The following RNF13 variants were observed in gnomAD, a reference collection of about 807,000 sequenced individuals.
The protein encoded by RNF13 is ring finger protein 13, also known as E3 ubiquitin-protein ligase RNF13.
RNF13 carries 19 observed loss-of-function variants against 37.7 expected under a neutral mutation model. That is an observed-to-expected ratio of 0.50 (90% CI 0.35 to 0.74). The LOEUF is 0.74. Among genes scored for constraint, RNF13 ranks in the 30% least tolerant of loss-of-function variants. The pLI is 0.01. For missense variants in RNF13, 375 were observed against 453.0 expected, an observed-to-expected ratio of 0.83 and a Z score of 1.56; for synonymous variants, 144 against 157.8, an observed-to-expected ratio of 0.91 and a Z score of 0.65.
intron 3 of RNF13, among the ~76,000 whole-genome samples, chr3:149,852,858 G>A (rs1004595137): frequency 2.6e-5 from 4 of 151,578 alleles, no homozygotes; most frequent in Admixed American, 6.6e-5. Context: ...TGTGCTATGC[G>A]TGTGTTTGTA....
At chr3:149,870,979 T>G (rs1711974460) in intron 3 of RNF13, among the ~76,000 whole-genome samples, 1 of 151,782 alleles carries the variant, frequency 6.6e-6, no homozygotes. Flanking sequence ...TTTATGTGTT[T>G]ATTCACTTTT....
chr3:149,856,382 C>T (rs534644013), intron 3 of RNF13, among the ~76,000 whole-genome samples: 31 of 150,922 alleles, frequency 2.1e-4, no homozygotes, highest in African/African-American at 6.3e-4. Flanking sequence ...TAAATAAATA[C>T]GTTAAAAATA....
At chr3:149,951,041 G>A (rs1576593253) in intron 8 of RNF13, among the ~76,000 whole-genome samples, 2 of 152,048 alleles carry the variant, frequency 1.3e-5, no homozygotes, top group Non-Finnish European at 2.9e-5. Flanking sequence ...TGCTTCTCCC[G>A]ACCACCCCCA....
chr3:149,942,636 G>A (rs952097650), intron 8 of RNF13, among the ~76,000 whole-genome samples: 3 of 152,122 alleles, frequency 2.0e-5, no homozygotes, highest in African/African-American at 7.2e-5. Flanking sequence ...TATGGAATAT[G>A]TCTTCTGTGA....
chr3:149,944,534 A>C (rs1720583347), intron 8 of RNF13, among the ~76,000 whole-genome samples: 1 of 151,826 alleles, frequency 6.6e-6, no homozygotes, highest in Admixed American at 6.6e-5. Flanking sequence ...ATGGTATCTC[A>C]TTGTGGCATT....
chr3:149,872,217 A>T (rs1413925534), intron 4 of RNF13, 63 bp downstream of exon 4: 1 of 1,050,608 alleles, frequency 9.5e-7, no homozygotes, highest in Non-Finnish European at 1.3e-6. Context: ...TAAATCATTT[A>T]CATCCTCCCT....
At chr3:149,819,541 A>T (rs1487780785) in intron 1 of RNF13, among the ~76,000 whole-genome samples, 3 of 152,208 alleles carry the variant, frequency 2.0e-5, no homozygotes, top group Admixed American at 2.0e-4. Flanking sequence ...TCCTAACTTT[A>T]AGGAGCTTAA....
At chr3:149,959,083 A>G (rs931998298) in intron 8 of RNF13, among the ~76,000 whole-genome samples, 3 of 152,244 alleles carry the variant, frequency 2.0e-5, no homozygotes, top group Non-Finnish European at 4.4e-5. Flanking sequence ...CGTGTGGGAT[A>G]GGCAATGAAT....
At chr3:149,847,992 T>A (rs1256445391) in intron 2 of RNF13, among the ~76,000 whole-genome samples, 2 of 152,250 alleles carry the variant, frequency 1.3e-5, no homozygotes, top group Non-Finnish European at 2.9e-5. Flanking sequence ...TCAGCTGCTA[T>A]AAGTGCCACA....
At chr3:149,877,058 G>C (rs1049964379) in intron 4 of RNF13, among the ~76,000 whole-genome samples, 1 of 152,002 alleles carries the variant, frequency 6.6e-6, no homozygotes, top group African/African-American at 2.4e-5. Flanking sequence ...GGGATTACAG[G>C]CGTGAGCCAC....
intron 5 of RNF13, 35 bp downstream of exon 5, chr3:149,895,595 T>A: frequency 7.6e-7 from 1 of 1,315,746 alleles, no homozygotes; most frequent in Non-Finnish European, 1.1e-6. Flanking sequence ...CTCTCCTGTT[T>A]GACAGATCAT....
rs1722371172 is a variant in RNF13 at position 149,961,113 on chromosome 3, AGAT to A, written c.*13_*15del. On this transcript the variant is annotated 3_prime_UTR_variant, in exon 10 of 10. Coordinates refer to ENST00000392894, the MANE Select transcript of RNF13 (RefSeq NM_183381.3). ...TAGCAAATACTGTTTGACTTTCAGA[AGAT>A]GATTGGTTTATTTCCCTTTAAAATG... 6.3e-7 allele frequency: 1 copy of A among 1,586,654 alleles called. No homozygotes were observed. Among genetic ancestry groups the A allele is most frequent in the Non-Finnish European group, 8.6e-7 (1 of 1,165,538 alleles).
intron 1 of RNF13, among the ~76,000 whole-genome samples, chr3:149,831,828 T>A (rs1219469213): frequency 6.6e-6 from 1 of 152,150 alleles, no homozygotes; most frequent in African/African-American, 2.4e-5. Flanking sequence ...TTCCTGGAAA[T>A]CTTGATGCTT....
chr3:149,849,585 A>G (rs986684230), intron 2 of RNF13, among the ~76,000 whole-genome samples: 1 of 152,204 alleles, frequency 6.6e-6, no homozygotes. Flanking sequence ...TGTGAAGGAC[A>G]GTGCAGGGTA....
intron 6 of RNF13, among the ~76,000 whole-genome samples, chr3:149,911,432 C>T (rs1046080971): frequency 2.4e-4 from 37 of 152,176 alleles, no homozygotes; most frequent in Middle Eastern, 3.4e-3. Context: ...CCAAGGCAGG[C>T]GAATCACCTG....
chr3:149,960,619 A>T lies in RNF13; in HGVS notation c.782-121A>T, dbSNP rs994787978. ...AAAAAAATAAAAATAAAAATAAAAA[A>T]TAAACTTTCTTCCCGTCCCTACATG... On this transcript the variant is annotated intron_variant, in intron 9 of 9. Transcript: ENST00000392894. 4 of 956,118 alleles carry T rather than the reference A, an allele frequency of 4.2e-6. No individual in the cohort carries two copies. In the Admixed American group the frequency reaches 9.4e-5, roughly 22 times the overall value. The allele number at this position is 956,118 out of a possible 1,614,324, so 59.2% of individuals were successfully genotyped here.
chr3:149,845,344 G>A (rs961585774), intron 1 of RNF13, among the ~76,000 whole-genome samples: 1 of 151,998 alleles, frequency 6.6e-6, no homozygotes, highest in African/African-American at 2.4e-5. Context: ...TATATTTATG[G>A]GTTGACATTT....
intron 3 of RNF13, among the ~76,000 whole-genome samples, chr3:149,871,427 T>C (rs1198879644): frequency 1.3e-5 from 2 of 149,624 alleles, no homozygotes; most frequent in East Asian, 3.9e-4. Context: ...GGTTATCTCG[T>C]GGACGTCTTT....
chr3:149,854,636 G>A (rs879869820), intron 3 of RNF13, among the ~76,000 whole-genome samples: 33 of 152,162 alleles, frequency 2.2e-4, no homozygotes, highest in African/African-American at 6.0e-4. Context: ...CCACCTTGCA[G>A]GACTGGCTTT....
Sources: gnomAD v4.1 joint callset for allele counts (sites outside exome capture counted in the v4.1 genomes callset) on GRCh38, gnomAD v4.1.1 for gene constraint, MANE v1.5 for transcripts, NCBI Gene and HGNC (gene_info 2026-07-23, HGNC 2026-07-21) for gene names.